Variants in FOXN3 observed in about 807,000 individuals in gnomAD.
The protein encoded by FOXN3 is forkhead box protein N3.
Under a neutral mutation model 38.4 loss-of-function variants are expected in FOXN3, and 7 were observed. The observed-to-expected ratio is 0.18, with a 90% confidence interval of 0.10 to 0.34. FOXN3 has a LOEUF of 0.34. Ranked by LOEUF, FOXN3 falls within the 10% of genes least tolerant of loss-of-function variation. The pLI is 1.00. For missense variants in FOXN3, 456 were observed against 613.4 expected, an observed-to-expected ratio of 0.74 and a Z score of 2.71; for synonymous variants, 230 against 242.2, an observed-to-expected ratio of 0.95 and a Z score of 0.47.
At chr14:89,478,318 A>G (rs935902337) in intron 1 of FOXN3, among the ~76,000 whole-genome samples, 4 of 152,130 alleles carry the variant, frequency 2.6e-5, no homozygotes, top group Non-Finnish European at 5.9e-5. Context: ...AACCAATTCA[A>G]TCTCTTTTCT....
At chr14:89,269,364 GTC>G (rs949138429) in intron 4 of FOXN3, among the ~76,000 whole-genome samples, 123 of 152,234 alleles carry the variant, frequency 8.1e-4, no homozygotes, top group African/African-American at 2.7e-3. Context: ...TCTCCCTGTG[GTC>G]TCTGAAACTA....
At chr14:89,193,854 G>A (rs924798458) in intron 4 of FOXN3, among the ~76,000 whole-genome samples, 3 of 152,120 alleles carry the variant, frequency 2.0e-5, no homozygotes, top group African/African-American at 7.2e-5. Flanking sequence ...GCCACTACTT[G>A]AAATTGTCAA....
intron 1 of FOXN3, among the ~76,000 whole-genome samples, chr14:89,595,101 G>C (rs1896031671): frequency 6.6e-6 from 1 of 151,892 alleles, no homozygotes; most frequent in African/African-American, 2.4e-5. Flanking sequence ...AGGATCACAA[G>C]GTCAGGAGAT....
At chr14:89,266,346 C>A (rs1409390803) in intron 4 of FOXN3, among the ~76,000 whole-genome samples, 1 of 152,154 alleles carries the variant, frequency 6.6e-6, no homozygotes, top group Non-Finnish European at 1.5e-5. Flanking sequence ...TCTCTTCTTA[C>A]AAAGACACCA....
At chr14:89,610,806 T>C (rs1323819815) in intron 1 of FOXN3, among the ~76,000 whole-genome samples, 1 of 152,228 alleles carries the variant, frequency 6.6e-6, no homozygotes, top group Non-Finnish European at 1.5e-5. Flanking sequence ...AACTGCTCAC[T>C]GAATGAACGT....
chr14:89,351,749 C>T (rs1006076359), intron 2 of FOXN3, among the ~76,000 whole-genome samples: 1 of 152,308 alleles, frequency 6.6e-6, no homozygotes, highest in East Asian at 1.9e-4. Flanking sequence ...AGTTAAATTA[C>T]ATAAACCCGT....
At chr14:89,267,099 C>A (rs1209774059) in intron 4 of FOXN3, among the ~76,000 whole-genome samples, 1 of 152,070 alleles carries the variant, frequency 6.6e-6, no homozygotes, top group Non-Finnish European at 1.5e-5. Flanking sequence ...GGAAAAAAGA[C>A]AGGGAGATGA....
intron 3 of FOXN3, among the ~76,000 whole-genome samples, chr14:89,323,309 G>C (rs1276661170): frequency 6.8e-6 from 1 of 147,414 alleles, no homozygotes; most frequent in Non-Finnish European, 1.5e-5. Flanking sequence ...AAAAAAGAAA[G>C]AAAGAAAGAA....
At chr14:89,440,823 G>A (rs991172600) in intron 1 of FOXN3, among the ~76,000 whole-genome samples, 2 of 152,192 alleles carry the variant, frequency 1.3e-5, no homozygotes, top group Non-Finnish European at 2.9e-5. Flanking sequence ...AAAGCAGTGC[G>A]TTCAACCCCT....
chr14:89,598,811 T>C (rs1463495407), intron 1 of FOXN3, among the ~76,000 whole-genome samples: 1 of 152,222 alleles, frequency 6.6e-6, no homozygotes, highest in Non-Finnish European at 1.5e-5. Flanking sequence ...TCTCTTTTTC[T>C]TTTATAAATG....
At chr14:89,427,122 G>A (rs61999669) in intron 1 of FOXN3, among the ~76,000 whole-genome samples, 58,411 of 150,262 alleles carry the variant, frequency 0.39, 14,376 homozygotes, top group Admixed American at 0.54. Flanking sequence ...CCAGTTACTT[G>A]GGAGGCTGAG....
At chr14:89,236,498 G>A (rs546713726) in intron 4 of FOXN3, among the ~76,000 whole-genome samples, 1 of 152,122 alleles carries the variant, frequency 6.6e-6, no homozygotes, top group Non-Finnish European at 1.5e-5. Context: ...CTGGGCAACA[G>A]AGCGAGACTC....
chr14:89,191,171 T>C (rs1008745320), intron 4 of FOXN3, among the ~76,000 whole-genome samples: 1 of 152,152 alleles, frequency 6.6e-6, no homozygotes, highest in Non-Finnish European at 1.5e-5. Flanking sequence ...GCAGGTTATA[T>C]AGAGACAGAG....
chr14:89,200,437 G>C (rs1888207982), intron 4 of FOXN3, among the ~76,000 whole-genome samples: 1 of 152,194 alleles, frequency 6.6e-6, no homozygotes, highest in South Asian at 2.1e-4. Flanking sequence ...GGAGCCTGGT[G>C]CTGAGGGCTG....
chr14:89,330,592 T>C (rs767996669), intron 3 of FOXN3, among the ~76,000 whole-genome samples: 2 of 152,188 alleles, frequency 1.3e-5, no homozygotes, highest in Admixed American at 6.5e-5. Flanking sequence ...GCTATTTGTT[T>C]ATGGGTTAAG....
intron 4 of FOXN3, among the ~76,000 whole-genome samples, chr14:89,268,666 C>T (rs1886056391): frequency 6.6e-6 from 1 of 152,130 alleles, no homozygotes; most frequent in Non-Finnish European, 1.5e-5. Context: ...CCAGCACACC[C>T]TGTGGAGCTC....
intron 1 of FOXN3, among the ~76,000 whole-genome samples, chr14:89,545,645 G>A (rs1267423527): frequency 1.3e-5 from 2 of 152,158 alleles, no homozygotes; most frequent in Non-Finnish European, 2.9e-5. Flanking sequence ...CAACTTGATG[G>A]AAACTGATAA....
intron 1 of FOXN3, among the ~76,000 whole-genome samples, chr14:89,439,915 A>G (rs1892345312): frequency 1.3e-5 from 2 of 151,950 alleles, no homozygotes. Flanking sequence ...CGGCCTCCCA[A>G]AGTGCTGGGA....
At chr14:89,409,584 C>T (rs538046927) in intron 2 of FOXN3, 4 of 152,334 alleles carry the variant, frequency 2.6e-5, no homozygotes, top group East Asian at 1.9e-4. Context: ...CTTGCAGACT[C>T]GTTTTACACC....
Sources: allele counts gnomAD v4.1 joint callset (sites outside exome capture counted in the v4.1 genomes callset), GRCh38; gene constraint gnomAD v4.1.1; transcripts MANE v1.5; gene names NCBI Gene and HGNC (gene_info 2026-07-23, HGNC 2026-07-21).